Variants in EVC observed in about 807,000 individuals in gnomAD.
EVC encodes the protein evC complex member EVC.
EVC carries 116 observed loss-of-function variants against 118.9 expected under a neutral mutation model. That is an observed-to-expected ratio of 0.98 (90% CI 0.84 to 1.14). The LOEUF (loss-of-function observed/expected upper bound fraction) is 1.14. EVC is among the 50% of genes most tolerant of loss of function. The pLI is 0.00. For missense variants in EVC, 1,401 were observed against 1,246.4 expected, an observed-to-expected ratio of 1.12 and a Z score of -1.87; for synonymous variants, 619 against 534.7, an observed-to-expected ratio of 1.16 and a Z score of -2.18.
chr4:5,811,811 G>A lies in EVC; in HGVS notation c.*774G>A, dbSNP rs796310830. 4.1e-5 allele frequency: 5 copies of A among 120,846 alleles called. No individual in the cohort carries two copies. The highest frequency in any genetic ancestry group is 1.6e-4 in the African/African-American group (5 of 32,172). 7.5% of individuals were successfully genotyped at this position (120,846 alleles called of 1,614,324 possible). A position where few individuals can be genotyped will look rare whatever the true frequency, so the allele number is the denominator to read the frequency against. On this transcript the variant is annotated 3_prime_UTR_variant, in exon 21 of 21. Coordinates refer to ENST00000264956, the MANE Select transcript of EVC (RefSeq NM_153717.3). ...TTCCAGACCATCCCCTCTCACCACA[G>A]CCAGGAGAGGCCTTTCCCACCGGTA...
chr4:5,728,701 C>T (rs1726264995), intron 2 of EVC, among the ~76,000 whole-genome samples: 2 of 152,194 alleles, frequency 1.3e-5, no homozygotes, highest in South Asian at 4.1e-4. Context: ...CCAACCACTT[C>T]CTTTTGTTTA....
Position 5,809,590 on chromosome 4 carries a change from CCTGCTAAGCGTGGG to C in EVC, c.2768_2781del (p.Lys923ArgfsTer7). ...GCCCCTTGCTGAAAGCAAACTGTTG[CCTGCTAAGCGTGGG>C]CTGCTAGGTGAGTCACAGATGCTTG... On this transcript the variant is annotated frameshift_variant, in exon 19 of 21. Coordinates refer to ENST00000264956, the MANE Select transcript of EVC (RefSeq NM_153717.3). LOFTEE classifies it high-confidence loss of function. The C allele has an allele frequency of 1.2e-6, 2 of 1,614,160 alleles. No homozygotes were observed. Among genetic ancestry groups the C allele is most frequent in the Non-Finnish European group, 1.7e-6 (2 of 1,180,028 alleles).
chr4:5,751,218 C>T (rs965347664), intron 8 of EVC, among the ~76,000 whole-genome samples: 5 of 152,226 alleles, frequency 3.3e-5, no homozygotes, highest in Non-Finnish European at 5.9e-5. Flanking sequence ...AGGTGAGGAG[C>T]TTGTGCTCAG....
At chr4:5,714,026 C>T (rs1005949205) in intron 1 of EVC, among the ~76,000 whole-genome samples, 1 of 152,268 alleles carries the variant, frequency 6.6e-6, no homozygotes, top group Non-Finnish European at 1.5e-5. Flanking sequence ...ATCCTGCTCT[C>T]CAGCCACTCA....
intron 5 of EVC, among the ~76,000 whole-genome samples, chr4:5,735,237 C>T (rs1021714495): frequency 2.6e-5 from 4 of 152,276 alleles, no homozygotes; most frequent in African/African-American, 9.6e-5. Flanking sequence ...AAGCATCATG[C>T]GAGTGTGAAG....
At chr4:5,783,861 A>G in intron 12 of EVC, 97 bp downstream of exon 12, 3 of 1,136,622 alleles carry the variant, frequency 2.6e-6, no homozygotes, top group Non-Finnish European at 2.6e-6. Flanking sequence ...ACTAGTGCCT[A>G]TTGTAGGTGC....
chr4:5,819,727 A>G, the EVC span, among the ~76,000 whole-genome samples: 4 of 152,278 alleles, frequency 2.6e-5, no homozygotes, highest in African/African-American at 9.6e-5. Context: ...TTTCCCTTTA[A>G]TAGTCCAAAT....
chr4:5,827,846 C>T, the EVC span, among the ~76,000 whole-genome samples: 2 of 152,138 alleles, frequency 1.3e-5, no homozygotes, highest in Non-Finnish European at 2.9e-5. Flanking sequence ...ATGTTGGCCA[C>T]GGGCGGGAGT....
intron 11 of EVC, among the ~76,000 whole-genome samples, chr4:5,781,563 G>A (rs1369846610): frequency 2.6e-5 from 4 of 152,214 alleles, no homozygotes; most frequent in East Asian, 1.9e-4. Flanking sequence ...TGGGCTGGGC[G>A]CGGTGGCCCA....
chr4:5,734,872 T>G (rs531241288), intron 5 of EVC, among the ~76,000 whole-genome samples: 1 of 152,286 alleles, frequency 6.6e-6, no homozygotes, highest in South Asian at 2.1e-4. Flanking sequence ...TGTCCAGCTT[T>G]CCTCAGTGAG....
intron 15 of EVC, among the ~76,000 whole-genome samples, chr4:5,799,998 G>A (rs1476998191): frequency 2.0e-5 from 3 of 152,172 alleles, no homozygotes. Flanking sequence ...GAGGGATTTT[G>A]AGTCAAGATT....
chr4:5,739,093 C>T (rs1360144133), intron 5 of EVC, among the ~76,000 whole-genome samples: 1 of 152,108 alleles, frequency 6.6e-6, no homozygotes, highest in Non-Finnish European at 1.5e-5. Context: ...GAAATCAACC[C>T]TACAATACCT....
In EVC at chr4:5,809,823, G is replaced by A. The variant is rs534008556; in HGVS notation, c.2782+212G>A. ...TAGCATTTGATAATTCCAGTTCTTG[G>A]GTCTGGTGTTCACTGGCTGTGTCTC... On this transcript the variant is annotated intron_variant, in intron 19 of 20. Transcript: ENST00000264956. 1.7e-4 allele frequency among the ~76,000 whole-genome samples: 26 copies of A among 152,196 alleles called. No homozygotes were observed. The South Asian group carries it at 5.4e-3, about 32-fold the overall frequency.
intron 5 of EVC, among the ~76,000 whole-genome samples, chr4:5,734,632 G>A (rs1015161243): frequency 4.6e-5 from 7 of 152,114 alleles, no homozygotes; most frequent in African/African-American, 1.7e-4. Flanking sequence ...ACTCCGACCT[G>A]GGCAACACAG....
chr4:5,825,489 C>A, the EVC span: 1 of 1,567,302 alleles, frequency 6.4e-7, no homozygotes, highest in Non-Finnish European at 8.6e-7. This position sits in a 1 kb window ranked among gnomAD's most constrained non-coding sequence, Gnocchi z 4.4. Context: ...ACCACTCTTT[C>A]CTACCTGATA....
At chr4:5,795,628 G>A (rs1211943332) in intron 13 of EVC, among the ~76,000 whole-genome samples, 1 of 152,182 alleles carries the variant, frequency 6.6e-6, no homozygotes, top group Non-Finnish European at 1.5e-5. Context: ...CTCCAGCCTG[G>A]GCTACAGAGT....
chr4:5,756,345 G>T lies in EVC; in HGVS notation c.1546G>T (p.Val516Leu). 3 of 1,610,762 alleles carry T rather than the reference G, an allele frequency of 1.9e-6. No homozygotes were observed. Among genetic ancestry groups the T allele is most frequent in the South Asian group, 2.2e-5 (2 of 89,798 alleles). Residue 516 changes from valine to leucine, a missense_variant, in exon 11 of 21, where the codon GTG becomes TTG. Val to Leu is a conservative substitution (Grantham distance 32). Transcript: ENST00000264956. This position sits in a 1 kb window ranked among gnomAD's most constrained non-coding sequence, Gnocchi z 4.2. The stretch of plus-strand genomic sequence containing the variant: ...GGAGAATGTCAGAGCCACCGAGGCT[G>T]TGGTTGCACTCTGCCAGGTACATGG... ...EEENVRATEAVVALCQELYFS... is the reference protein window; with the variant it reads ...EEENVRATEALVALCQELYFS...
At position 5,746,952 on chromosome 4, in the gene EVC, A is replaced by G. The variant is rs1729440094; in HGVS notation, c.940-1196A>G. ...AGTTTGTAAGCAGAGCGGGCTGTGT[A>G]GAGTTGGCAGGTGACAGTCTGCAGT... On this transcript the variant is annotated intron_variant, in intron 7 of 20. Coordinates refer to ENST00000264956, the MANE Select transcript of EVC (RefSeq NM_153717.3). The surrounding 1 kb of genome is among the most constrained non-coding windows in gnomAD (Gnocchi z 5.8). Among the ~76,000 whole-genome samples the G allele has an allele frequency of 6.6e-6, 1 of 152,130 alleles. No homozygotes were observed. The highest frequency in any genetic ancestry group is 1.5e-5 in the Non-Finnish European group (1 of 68,018).
At chr4:5,814,528 T>C (rs1034590432), downstream of EVC, among the ~76,000 whole-genome samples, 1 of 152,108 alleles carries the variant, frequency 6.6e-6, no homozygotes, top group Admixed American at 6.5e-5. Context: ...CCAACGCAAA[T>C]CTGCCTGGCC....
Sources: gnomAD v4.1 joint callset for allele counts (sites outside exome capture counted in the v4.1 genomes callset) on GRCh38, gnomAD v4.1.1 for gene constraint, Gnocchi (gnomAD v3.1) non-coding constraint, MANE v1.5 for transcripts, NCBI Gene and HGNC (gene_info 2026-07-23, HGNC 2026-07-21) for gene names.